TBC1D32: variants seen among roughly 807,000 people sequenced by gnomAD.
TBC1D32 encodes TBC1 domain family member 32, also known as protein broad-minded.
Under a neutral mutation model 170.3 loss-of-function variants are expected in TBC1D32, and 151 were observed. That is an observed-to-expected ratio of 0.89 (90% CI 0.78 to 1.01). TBC1D32 has a LOEUF of 1.01. Ranked by LOEUF, TBC1D32 falls within the 50% of genes least tolerant of loss-of-function variation. The pLI, the probability that TBC1D32 is intolerant of heterozygous loss-of-function variation, is 0.00. For synonymous variants in TBC1D32, 498 were observed against 488.0 expected (o/e 1.02, Z -0.27); for missense variants, 1,464 against 1,457.1 (o/e 1.00, Z -0.08).
At chr6:121,130,390 G>A (rs1781306138) in intron 25 of TBC1D32, among the ~76,000 whole-genome samples, 1 of 152,138 alleles carries the variant, frequency 6.6e-6, no homozygotes, top group African/African-American at 2.4e-5. Flanking sequence ...GCTGAAGCAG[G>A]AGAATCGCCT....
At chr6:121,105,071 T>C (rs529031587) in intron 30 of TBC1D32, among the ~76,000 whole-genome samples, 1 of 151,854 alleles carries the variant, frequency 6.6e-6, no homozygotes, top group Non-Finnish European at 1.5e-5. Context: ...ATTTGGACAG[T>C]TGTTGCTACT....
chr6:121,253,476 TG>T (rs1437944725), intron 17 of TBC1D32, among the ~76,000 whole-genome samples: 16 of 152,180 alleles, frequency 1.1e-4, no homozygotes, highest in Non-Finnish European at 2.1e-4. Context: ...CCCCGCACTT[TG>T]GGAGGCCGAG....
intron 22 of TBC1D32, among the ~76,000 whole-genome samples, chr6:121,169,953 C>A (rs1355999225): frequency 2.6e-5 from 4 of 151,938 alleles, no homozygotes; most frequent in Non-Finnish European, 5.9e-5. Flanking sequence ...TATGAACTAA[C>A]ATAATTAAGA....
rs572263862 is a variant in TBC1D32 at position 121,283,184 on chromosome 6, A to T, written c.1465+634T>A. Among the ~76,000 whole-genome samples, 4 of 151,982 alleles carry T rather than the reference A, an allele frequency of 2.6e-5. No individual in the cohort carries two copies. The South Asian group carries it at 8.3e-4, about 32-fold the overall frequency. On this transcript the variant is annotated intron_variant, in intron 13 of 31. Transcript: ENST00000398212. The stretch of plus-strand genomic sequence containing the variant: ...GTTCGTCTCAGAATTTGTGTCAGCA[A>T]TTCTAGGGTTATTTCCTAGTTTTAG...
chr6:121,162,314 T>C (rs1475944122), intron 22 of TBC1D32, among the ~76,000 whole-genome samples: 4 of 152,210 alleles, frequency 2.6e-5, no homozygotes, highest in African/African-American at 9.6e-5. Flanking sequence ...TCCAAGGGTT[T>C]TTATAGTTTT....
At chr6:121,252,341 A>G (rs1798407285) in intron 17 of TBC1D32, among the ~76,000 whole-genome samples, 1 of 152,224 alleles carries the variant, frequency 6.6e-6, no homozygotes. Flanking sequence ...CATTAAAATG[A>G]CAGACTGGAT....
At chr6:121,083,145 G>C (rs1428467689) in intron 31 of TBC1D32, among the ~76,000 whole-genome samples, 1 of 151,878 alleles carries the variant, frequency 6.6e-6, no homozygotes, top group African/African-American at 2.4e-5. Context: ...CCTCAGACTA[G>C]TGCTTCATTA....
At chr6:121,247,711 A>AAAAAAAAAAC (rs1310545426) in intron 17 of TBC1D32, among the ~76,000 whole-genome samples, 5 of 148,374 alleles carry the variant, frequency 3.4e-5, no homozygotes, top group South Asian at 2.1e-4. Flanking sequence ...AAAAAAAAAA[A>AAAAAAAAAAC]AAAAAAAGAC....
chr6:121,223,380 A>G (rs1794728665), intron 20 of TBC1D32, 28 bp from the exon 21 acceptor site: 1 of 1,465,214 alleles, frequency 6.8e-7, no homozygotes, highest in Non-Finnish European at 9.4e-7. Flanking sequence ...AGTCATTTAA[A>G]TGATTCACTT....
chr6:121,291,275 G>A (rs762703101), intron 12 of TBC1D32, among the ~76,000 whole-genome samples: 30 of 152,046 alleles, frequency 2.0e-4, no homozygotes, highest in Non-Finnish European at 7.4e-5. Flanking sequence ...TAAGTTCCTA[G>A]GTCCCAGCCA....
intron 26 of TBC1D32, among the ~76,000 whole-genome samples, chr6:121,118,628 C>G (rs898504432): frequency 2.0e-5 from 3 of 152,158 alleles, no homozygotes. Flanking sequence ...AATTTCTCCA[C>G]TGGAGGACAA....
intron 24 of TBC1D32, among the ~76,000 whole-genome samples, chr6:121,145,312 T>G (rs930345546): frequency 6.6e-6 from 1 of 152,182 alleles, no homozygotes; most frequent in South Asian, 2.1e-4. Flanking sequence ...CTATCATTTG[T>G]GACAACATGG....
intron 12 of TBC1D32, among the ~76,000 whole-genome samples, chr6:121,290,594 A>T (rs1177144962): frequency 1.3e-5 from 2 of 152,212 alleles, no homozygotes; most frequent in Admixed American, 1.3e-4. Context: ...CAGTGTGGCG[A>T]TTCCTCAGGG....
rs570713174 is a variant in TBC1D32 at position 121,213,536 on chromosome 6, A to C, written c.2482-8373T>G. 2.3e-3 allele frequency among the ~76,000 whole-genome samples: 245 copies of C among 105,248 alleles called. 2 individuals carry two copies. Among genetic ancestry groups the C allele is most frequent in the Middle Eastern group, 5.1e-3 (1 of 198 alleles). The allele number at this position is 105,248 out of a possible 152,430, so 69.0% of individuals were successfully genotyped here. A position where few individuals can be genotyped will look rare whatever the true frequency, so the allele number is the denominator to read the frequency against. ...AAATAAAATAAAATAAATAAAATAA[A>C]ATAAAATAAAATAAAATAAAATAAA... On this transcript the variant is annotated intron_variant, in intron 21 of 31. Coordinates refer to ENST00000398212, the MANE Select transcript of TBC1D32 (RefSeq NM_152730.6).
intron 22 of TBC1D32, among the ~76,000 whole-genome samples, chr6:121,190,500 C>T (rs999542074): frequency 5.9e-5 from 9 of 151,490 alleles, no homozygotes; most frequent in Admixed American, 2.0e-4. Context: ...ATCATCTTCC[C>T]GCCTCTAATT....
chr6:121,110,498 T>G (rs1352861018), intron 29 of TBC1D32, among the ~76,000 whole-genome samples: 1 of 151,656 alleles, frequency 6.6e-6, no homozygotes, highest in Non-Finnish European at 1.5e-5. Flanking sequence ...ATTGAGGAAA[T>G]AGGTTGATTT....
Position 121,204,729 on chromosome 6 carries a change from C to G in TBC1D32, c.2570+346G>C, listed in dbSNP as rs889188985. Reference sequence around the variant, plus strand: ...CAGGATAAATCATCCTTTTCTAGGCCTCTTTTGAGGGTATATTGTGACAAG... The same window carrying G: ...CAGGATAAATCATCCTTTTCTAGGCGTCTTTTGAGGGTATATTGTGACAAG... On this transcript the variant is annotated intron_variant, in intron 22 of 31. Transcript: ENST00000398212. 3.3e-5 allele frequency among the ~76,000 whole-genome samples: 5 copies of G among 149,270 alleles called. 1 individual carries two copies. The highest frequency in any genetic ancestry group is 1.3e-4 in the African/African-American group (5 of 38,764).
At chr6:121,266,166 T>C (rs1033337134) in intron 15 of TBC1D32, among the ~76,000 whole-genome samples, 2 of 152,116 alleles carry the variant, frequency 1.3e-5, no homozygotes, top group African/African-American at 4.8e-5. Flanking sequence ...ATTTTTGCAA[T>C]GTACCATCTG....
Position 121,256,287 on chromosome 6 carries a change from T to G in TBC1D32, c.1734-2A>C. ...GCAATTATATGAGCACCTGTAGGAC[T>G]AAAAGATGATACCTGAAAGTGATTC... On this transcript the variant is annotated splice_acceptor_variant, in intron 15 of 31. Transcript: ENST00000398212. LOFTEE classifies it high-confidence loss of function. 6.2e-7 allele frequency: 1 copy of G among 1,603,480 alleles called. No individual in the cohort carries two copies. The highest frequency in any genetic ancestry group is 1.1e-5 in the South Asian group (1 of 89,602).
Sources: allele counts gnomAD v4.1 joint callset (sites outside exome capture counted in the v4.1 genomes callset), GRCh38; gene constraint gnomAD v4.1.1; transcripts MANE v1.5; gene names NCBI Gene and HGNC (gene_info 2026-07-23, HGNC 2026-07-21).